Variants in LRFN5 observed in about 807,000 individuals in gnomAD.
The protein encoded by LRFN5 is leucine rich repeat and fibronectin type III domain containing 5.
In LRFN5, 24 loss-of-function variants were observed where a neutral mutation model predicts 45.6. The ratio of observed to expected loss-of-function variants is 0.53; its 90% CI spans 0.38 to 0.74. LRFN5 has a LOEUF of 0.74. Among genes scored for constraint, LRFN5 ranks in the 30% least tolerant of loss-of-function variants. The pLI, the probability that LRFN5 is intolerant of heterozygous loss-of-function variation, is 0.00. For missense variants in LRFN5, 776 were observed against 861.5 expected, an observed-to-expected ratio of 0.90 and a Z score of 1.24; for synonymous variants, 340 against 313.8, an observed-to-expected ratio of 1.08 and a Z score of -0.88.
chr14:41,639,797 T>G (rs1879482229), intron 1 of LRFN5, among the ~76,000 whole-genome samples: 1 of 152,016 alleles, frequency 6.6e-6, no homozygotes, highest in African/African-American at 2.4e-5. Flanking sequence ...TGTATTTATT[T>G]ATTGAGATGT....
chr14:41,840,437 T>C (rs1439322559), intron 2 of LRFN5, among the ~76,000 whole-genome samples: 1 of 152,096 alleles, frequency 6.6e-6, no homozygotes, highest in African/African-American at 2.4e-5. Flanking sequence ...TGCCATGGAA[T>C]GACTTCTGTT....
At chr14:41,833,956 C>T (rs561937231) in intron 2 of LRFN5, among the ~76,000 whole-genome samples, 1 of 152,132 alleles carries the variant, frequency 6.6e-6, no homozygotes, top group Non-Finnish European at 1.5e-5. Flanking sequence ...CAGTCTATGC[C>T]CCAGATATGT....
chr14:41,723,715 G>C lies in LRFN5; in HGVS notation c.-196-43139G>C, dbSNP rs147662121. 5.9e-5 allele frequency among the ~76,000 whole-genome samples: 9 copies of C among 152,180 alleles called. No homozygotes were observed. In the East Asian group the frequency reaches 1.6e-3, roughly 26 times the overall value. ...GCAGCTCTTCTCCTGTCCCAGGCCT[G>C]TGACCATGGAGAGCACAATTCTAGC... On this transcript the variant is annotated intron_variant, in intron 1 of 5. Coordinates refer to ENST00000298119, the MANE Select transcript of LRFN5 (RefSeq NM_152447.5).
At chr14:41,855,692 A>G (rs1182540388) in intron 2 of LRFN5, among the ~76,000 whole-genome samples, 1 of 149,874 alleles carries the variant, frequency 6.7e-6, no homozygotes, top group Admixed American at 6.7e-5. Context: ...AGCAAGCTGA[A>G]TAAACATTTG....
At chr14:41,671,543 G>C (rs1013096421) in intron 1 of LRFN5, among the ~76,000 whole-genome samples, 1 of 148,604 alleles carries the variant, frequency 6.7e-6, no homozygotes, top group East Asian at 2.0e-4. Context: ...ATTACTTCGT[G>C]GTATCACTTC....
At chr14:41,647,881 G>A (rs907976689) in intron 1 of LRFN5, among the ~76,000 whole-genome samples, 2 of 152,096 alleles carry the variant, frequency 1.3e-5, no homozygotes, top group African/African-American at 4.8e-5. Flanking sequence ...TTAAACAACA[G>A]GAGAGACAAT....
chr14:41,673,951 A>G (rs28426670), intron 1 of LRFN5, among the ~76,000 whole-genome samples: 1 of 130,856 alleles, frequency 7.6e-6, no homozygotes. Context: ...GGGGGCTGAC[A>G]CCCCCACCTC....
chr14:41,893,119 T>G, intron 4 of LRFN5: 1 of 984,724 alleles, frequency 1.0e-6, no homozygotes, highest in Non-Finnish European at 1.2e-6. Context: ...GTTTTCCTTT[T>G]AAAGTAAATG....
chr14:41,818,085 A>G (rs1887982434), intron 2 of LRFN5, among the ~76,000 whole-genome samples: 1 of 152,118 alleles, frequency 6.6e-6, no homozygotes, highest in Admixed American at 6.6e-5. Context: ...AATTCTGGAA[A>G]TGTTAAATTA....
chr14:41,726,733 A>T (rs1883952304), intron 1 of LRFN5, among the ~76,000 whole-genome samples: 1 of 152,156 alleles, frequency 6.6e-6, no homozygotes. Context: ...ATTATTCATT[A>T]TAGTTAAACT....
At chr14:41,741,594 A>G (rs1346860035) in intron 1 of LRFN5, among the ~76,000 whole-genome samples, 1 of 151,740 alleles carries the variant, frequency 6.6e-6, no homozygotes, top group Non-Finnish European at 1.5e-5. Flanking sequence ...TAAATCTACT[A>G]GAAGAAAATG....
At position 41,737,520 on chromosome 14, in the gene LRFN5, A is replaced by G. The variant is rs896496513; in HGVS notation, c.-196-29334A>G. 7.2e-5 allele frequency among the ~76,000 whole-genome samples: 11 copies of G among 152,170 alleles called. 1 individual carries two copies. The highest frequency in any genetic ancestry group is 1.5e-4 in the Non-Finnish European group (10 of 68,030). ...GGAGCAGGGCAGTCGGGCAAGAGAA[A>G]GAAATAAAGGGTATTCAAATAGGAG... On this transcript the variant is annotated intron_variant, in intron 1 of 5. Coordinates refer to ENST00000298119, the MANE Select transcript of LRFN5 (RefSeq NM_152447.5).
chr14:41,860,435 C>T (rs749261975), intron 2 of LRFN5, among the ~76,000 whole-genome samples: 2 of 151,822 alleles, frequency 1.3e-5, no homozygotes, highest in East Asian at 1.9e-4. Context: ...ATAAATATAA[C>T]CAAATATACA....
At chr14:41,844,204 A>G (rs186823969) in intron 2 of LRFN5, among the ~76,000 whole-genome samples, 3,801 of 152,184 alleles carry the variant, frequency 0.025, 51 homozygotes, top group Middle Eastern at 0.048. Context: ...TTGGGAGGCC[A>G]AGGTGGGCGG....
chr14:41,762,841 T>C (rs901922573), intron 1 of LRFN5, among the ~76,000 whole-genome samples: 4 of 152,122 alleles, frequency 2.6e-5, no homozygotes, highest in African/African-American at 9.7e-5. Context: ...TTTTGCATCA[T>C]GTAGGCCAAA....
chr14:41,839,955 T>C (rs1888802425), intron 2 of LRFN5, among the ~76,000 whole-genome samples: 1 of 152,116 alleles, frequency 6.6e-6, no homozygotes, highest in Non-Finnish European at 1.5e-5. Context: ...AGTCACATTA[T>C]CCTGGCATTC....
intron 2 of LRFN5, among the ~76,000 whole-genome samples, chr14:41,796,779 C>G (rs1887147730): frequency 6.6e-6 from 1 of 151,858 alleles, no homozygotes. Flanking sequence ...CTGATGGTTT[C>G]ATTTCTTGCT....
chr14:41,689,016 C>T (rs1374820531), intron 1 of LRFN5, among the ~76,000 whole-genome samples: 1 of 151,590 alleles, frequency 6.6e-6, no homozygotes, highest in Non-Finnish European at 1.5e-5. Flanking sequence ...GATCACTTGA[C>T]CCTGGGAGGT....
chr14:41,615,371 G>A (rs1040736605), intron 1 of LRFN5, among the ~76,000 whole-genome samples: 22 of 152,080 alleles, frequency 1.4e-4, no homozygotes, highest in Admixed American at 1.2e-3. Flanking sequence ...AGTACTTCTA[G>A]TGTTTGCACT....
Sources: gnomAD v4.1 joint callset for allele counts (sites outside exome capture counted in the v4.1 genomes callset) on GRCh38, gnomAD v4.1.1 for gene constraint, MANE v1.5 for transcripts, NCBI Gene and HGNC (gene_info 2026-07-23, HGNC 2026-07-21) for gene names.